Variants in RUBCN observed in about 807,000 individuals in gnomAD.
The protein encoded by RUBCN is rubicon autophagy regulator.
A neutral mutation model predicts 113.2 loss-of-function variants in RUBCN; 74 were observed. That is an observed-to-expected ratio of 0.65 (90% CI 0.54 to 0.79). RUBCN has a LOEUF of 0.79. RUBCN is among the 30% of genes least tolerant of loss of function. RUBCN has a pLI of 0.00. For synonymous variants in RUBCN, 480 were observed against 490.0 expected (o/e 0.98, Z 0.27); for missense variants, 1,109 against 1,251.7 (o/e 0.89, Z 1.72).
chr3:197,735,665 C>T (rs771158901), intron 1 of RUBCN, among the ~76,000 whole-genome samples: 18 of 152,066 alleles, frequency 1.2e-4, no homozygotes, highest in Non-Finnish European at 2.4e-4. Context: ...GATCTCGGCT[C>T]AATGCAGCCT....
At chr3:197,740,137 T>A (rs905182579), upstream of RUBCN, among the ~76,000 whole-genome samples, 2 of 152,218 alleles carry the variant, frequency 1.3e-5, no homozygotes, top group African/African-American at 4.8e-5. Flanking sequence ...TGTACTGGAT[T>A]TTCTTTAAAG....
intron 10 of RUBCN, chr3:197,694,065 T>G (rs1722722929): frequency 3.8e-6 from 2 of 526,338 alleles, no homozygotes; most frequent in Non-Finnish European, 6.9e-6. Flanking sequence ...TATATACATA[T>G]ATATATTTAG....
chr3:197,704,680 C>T lies in RUBCN; in HGVS notation c.325G>A (p.Asp109Asn), dbSNP rs770076576. The T allele has an allele frequency of 1.8e-5, 29 of 1,613,822 alleles. No individual in the cohort carries two copies. Among genetic ancestry groups the T allele is most frequent in the Admixed American group, 8.3e-5 (5 of 59,998 alleles). The change falls in exon 4 of 20, where the codon GAC (aspartate) becomes AAC (asparagine). Residue 109 changes from aspartate to asparagine, a missense_variant. By Grantham distance (23) the Asp-to-Asn change is conservative (BLOSUM62 1). Transcript: ENST00000296343. ...CTGGCACCATCAGCACTGCTCTGGT[C>T]GTTCTCGTGCACGCTGATGAACTGG... ...VEKFISVHEN[D>N]QSSADGASER...
Position 197,683,200 on chromosome 3 carries a change from G to A in RUBCN, c.1980+107C>T. ...TGTAATGAATGGCTTCCACGAGTAA[G>A]GGGGGAACACCCAGGCTCATTCCAG... On this transcript the variant is annotated intron_variant, in intron 13 of 19. Transcript: ENST00000296343. This position sits in a 1 kb window ranked among gnomAD's most constrained non-coding sequence, Gnocchi z 4.6. 7.3e-7 allele frequency: 1 copy of A among 1,363,566 alleles called. No individual in the cohort carries two copies. Among genetic ancestry groups the A allele is most frequent in the Middle Eastern group, 1.8e-4 (1 of 5,568 alleles). The allele number at this position is 1,363,566 out of a possible 1,614,324, so 84.5% of individuals were successfully genotyped here. A position where few individuals can be genotyped will look rare whatever the true frequency, so the allele number is the denominator to read the frequency against.
chr3:197,733,280 C>G (rs1727730444), intron 1 of RUBCN, among the ~76,000 whole-genome samples: 2 of 152,044 alleles, frequency 1.3e-5, no homozygotes, highest in African/African-American at 4.8e-5. Flanking sequence ...TGAGACTGGC[C>G]TAGGCAACAT....
chr3:197,697,076 A>G, intron 7 of RUBCN, 27 bp from the exon 8 acceptor site: 1 of 1,149,770 alleles, frequency 8.7e-7, no homozygotes. Context: ...CCAGCGAGTA[A>G]AAACACATAC....
At chr3:197,732,508 T>C (rs1727635475) in intron 1 of RUBCN, among the ~76,000 whole-genome samples, 1 of 152,144 alleles carries the variant, frequency 6.6e-6, no homozygotes, top group African/African-American at 2.4e-5. Context: ...AGAGACGGGG[T>C]TTCACTGTGT....
chr3:197,679,604 G>A (rs1277673458), intron 16 of RUBCN, among the ~76,000 whole-genome samples: 9 of 143,200 alleles, frequency 6.3e-5, no homozygotes, highest in Admixed American at 3.5e-4. Context: ...ACTGTCCTAC[G>A]CTCTGACAAC....
chr3:197,701,173 G>A lies in RUBCN; in HGVS notation c.728-27C>T, dbSNP rs1024720370. 1.0e-4 allele frequency: 156 copies of A among 1,501,054 alleles called. 1 individual carries two copies. Among genetic ancestry groups the A allele is most frequent in the South Asian group, 2.3e-4 (17 of 74,982 alleles). The allele number at this position is 1,501,054 out of a possible 1,614,324, so 93.0% of individuals were successfully genotyped here. ...TAGAATATAAAAGGAAATGGTAAGGGGAGCAAGGGTGAGGTGGAATCCTGC... is the reference window on the plus strand; with the variant it reads ...TAGAATATAAAAGGAAATGGTAAGGAGAGCAAGGGTGAGGTGGAATCCTGC... On this transcript the variant is annotated intron_variant, in intron 6 of 19. Coordinates refer to ENST00000296343, the MANE Select transcript of RUBCN (RefSeq NM_014687.4).
At chr3:197,714,032 C>A (rs553424806) in intron 2 of RUBCN, among the ~76,000 whole-genome samples, 1 of 151,768 alleles carries the variant, frequency 6.6e-6, no homozygotes, top group East Asian at 1.9e-4. Flanking sequence ...GCTGAGATCA[C>A]GCCACTGCAC....
intron 2 of RUBCN, among the ~76,000 whole-genome samples, chr3:197,714,597 T>A (rs534947132): frequency 7.2e-5 from 11 of 152,354 alleles, no homozygotes; most frequent in Admixed American, 6.5e-4. Flanking sequence ...CCCGAAGTGC[T>A]AGAATTATAG....
At chr3:197,712,918 GGT>G (rs1491284709) in intron 2 of RUBCN, among the ~76,000 whole-genome samples, 14 of 150,834 alleles carry the variant, frequency 9.3e-5, no homozygotes, top group African/African-American at 3.4e-4. Flanking sequence ...GGAGTGCAAT[GGT>G]GCAATCTCAG....
At chr3:197,703,391 C>G (rs1210384604) in intron 5 of RUBCN, among the ~76,000 whole-genome samples, 157 bp downstream of exon 5, 1 of 86,614 alleles carries the variant, frequency 1.2e-5, no homozygotes, top group Admixed American at 1.9e-4. Context: ...GAGCGAGACT[C>G]TGTCTCAAAA....
intron 11 of RUBCN, among the ~76,000 whole-genome samples, chr3:197,684,933 T>G (rs1721675299): frequency 6.6e-6 from 1 of 152,142 alleles, no homozygotes; most frequent in Non-Finnish European, 1.5e-5. Context: ...ATTTTACCCC[T>G]GAATGTTAGA....
At chr3:197,699,206 T>TATA in intron 7 of RUBCN, 1 of 1,550,480 alleles carries the variant, frequency 6.4e-7, no homozygotes, top group Non-Finnish European at 8.7e-7. Context: ...GATCTTCAAC[T>TATA]ATAATGGTGA....
chr3:197,680,401 T>C (rs1167664587), intron 16 of RUBCN, among the ~76,000 whole-genome samples: 3 of 150,696 alleles, frequency 2.0e-5, no homozygotes, highest in Non-Finnish European at 2.9e-5. Flanking sequence ...AACTGACAAC[T>C]GGCTTCAGAC....
chr3:197,713,410 C>A (rs1725171849), intron 2 of RUBCN, among the ~76,000 whole-genome samples: 1 of 152,202 alleles, frequency 6.6e-6, no homozygotes. Context: ...TGCCACTCAT[C>A]TGGTAGCTAT....
intron 1 of RUBCN, among the ~76,000 whole-genome samples, chr3:197,733,127 A>G (rs1236617681): frequency 2.6e-5 from 4 of 152,208 alleles, no homozygotes; most frequent in Admixed American, 6.5e-5. Flanking sequence ...ACGTTTCATT[A>G]TATCAACTAC....
chr3:197,726,861 G>A (rs374118145), intron 1 of RUBCN, among the ~76,000 whole-genome samples: 1 of 151,410 alleles, frequency 6.6e-6, no homozygotes, highest in African/African-American at 2.4e-5. Flanking sequence ...TCACCCAGTA[G>A]AAAGAAAATA....
Sources: gnomAD v4.1 joint callset for allele counts (sites outside exome capture counted in the v4.1 genomes callset) on GRCh38, gnomAD v4.1.1 for gene constraint, Gnocchi (gnomAD v3.1) non-coding constraint, MANE v1.5 for transcripts, NCBI Gene and HGNC (gene_info 2026-07-23, HGNC 2026-07-21) for gene names.